The following ASB18 variants were observed in gnomAD, a reference collection of about 807,000 sequenced individuals.
ASB18 encodes the protein ankyrin repeat and SOCS box protein 18.
ASB18 carries 33 observed loss-of-function variants against 33.4 expected under a neutral mutation model. The ratio of observed to expected loss-of-function variants is 0.99; its 90% CI spans 0.75 to 1.32. The LOEUF is 1.32. ASB18 is among the 40% of genes most tolerant of loss of function. The pLI is 0.00. For synonymous variants in ASB18, 295 were observed against 307.6 expected (o/e 0.96, Z 0.43); for missense variants, 694 against 655.5 (o/e 1.06, Z -0.64).
At position 236,196,595 on chromosome 2, in the gene ASB18, C is replaced by G. The variant is rs1235483037; in HGVS notation, c.1102-210G>C. ...ACAAAGACACAAGGCAACGGCTCTG[C>G]AAGGGAGCCCTCCTTCCCATCATGA... On this transcript the variant is annotated intron_variant, in intron 4 of 5. Coordinates refer to ENST00000409749, the MANE Select transcript of ASB18 (RefSeq NM_212556.4). The surrounding 1 kb of genome is among the most constrained non-coding windows in gnomAD (Gnocchi z 5.6). Among the ~76,000 whole-genome samples the G allele has an allele frequency of 6.6e-6, 1 of 152,232 alleles. No homozygotes were observed. Among genetic ancestry groups the G allele is most frequent in the African/African-American group, 2.4e-5 (1 of 41,474 alleles).
intron 1 of ASB18, among the ~76,000 whole-genome samples, chr2:236,258,490 A>G (rs1351519571): frequency 6.6e-6 from 1 of 152,168 alleles, no homozygotes; most frequent in Non-Finnish European, 1.5e-5. Context: ...CACCATCATC[A>G]ATGGGTACGC....
At position 236,194,473 on chromosome 2, in the gene ASB18, C is replaced by A; in HGVS notation, c.*399G>T. 6.6e-6 allele frequency among the ~76,000 whole-genome samples: 1 copy of A among 152,136 alleles called. No homozygotes were observed. The highest frequency in any genetic ancestry group is 1.5e-5 in the Non-Finnish European group (1 of 68,030). On this transcript the variant is annotated 3_prime_UTR_variant, in exon 6 of 6. Coordinates refer to ENST00000409749, the MANE Select transcript of ASB18 (RefSeq NM_212556.4). The surrounding 1 kb of genome is among the most constrained non-coding windows in gnomAD (Gnocchi z 4.5). ...AGAAATATGCTGTAGGAACATCATT[C>A]TTGTTTATATCAATTAACCTTGGGA... is the stretch of plus-strand genomic sequence containing the variant.
Position 236,214,576 on chromosome 2 carries a change from G to T in ASB18, c.887C>A (p.Pro296Gln), listed in dbSNP as rs2060476385. 9.0e-6 allele frequency: 12 copies of T among 1,326,816 alleles called. No homozygotes were observed. Among genetic ancestry groups the T allele is most frequent in the Non-Finnish European group, 1.1e-5 (12 of 1,046,362 alleles). The allele number at this position is 1,326,816 out of a possible 1,614,324, so 82.2% of individuals were successfully genotyped here. A position where few individuals can be genotyped will look rare whatever the true frequency, so the allele number is the denominator to read the frequency against. Residue 296 changes from proline to glutamine, a missense_variant, in exon 4 of 6, where the codon CCG becomes CAG. Pro to Gln is a moderately conservative substitution (Grantham distance 76). Coordinates refer to ENST00000409749, the MANE Select transcript of ASB18 (RefSeq NM_212556.4). This position sits in a 1 kb window ranked among gnomAD's most constrained non-coding sequence, Gnocchi z 6.5. Reference protein sequence around the residue: ...ADARDEDERSPLHKACGHASH... With the variant: ...ADARDEDERSQLHKACGHASH... ...CGCGTGGCCGCAGGCTTTGTGCAGCGGGCTGCGCTCGTCCTCGTCGCGCGC... is the reference window on the plus strand; with the variant it reads ...CGCGTGGCCGCAGGCTTTGTGCAGCTGGCTGCGCTCGTCCTCGTCGCGCGC...
At position 236,228,989 on chromosome 2, in the gene ASB18, T is replaced by A. The variant is rs1377175654; in HGVS notation, c.596+8700A>T. Among the ~76,000 whole-genome samples, 1 of 152,156 alleles carries A rather than the reference T, an allele frequency of 6.6e-6. No homozygotes were observed. Among genetic ancestry groups the A allele is most frequent in the Non-Finnish European group, 1.5e-5 (1 of 68,024 alleles). ...TGGGAGCAGTGGCTTATGCCTGTAA[T>A]CCCAGCACTTTGGGAGGCTGAGGCA... On this transcript the variant is annotated intron_variant, in intron 3 of 5. Coordinates refer to ENST00000409749, the MANE Select transcript of ASB18 (RefSeq NM_212556.4). This position sits in a 1 kb window ranked among gnomAD's most constrained non-coding sequence, Gnocchi z 5.1.
In ASB18 at chr2:236,209,299, G is replaced by T. The variant is rs570078336; in HGVS notation, c.1101+5063C>A. On this transcript the variant is annotated intron_variant, in intron 4 of 5. Transcript: ENST00000409749. The surrounding 1 kb of genome is among the most constrained non-coding windows in gnomAD (Gnocchi z 4.4). ...TTTTTTTTTTTTTTTTTAAGACAAG[G>T]TCTTGCTCTGTCGTCCAGGCTGGAG... Among the ~76,000 whole-genome samples the T allele has an allele frequency of 1.3e-5, 2 of 148,794 alleles. No individual in the cohort carries two copies. The highest frequency in any genetic ancestry group is 3.9e-4 in the East Asian group (2 of 5,114).
chr2:236,223,249 A>G lies in ASB18; in HGVS notation c.597-8383T>C, dbSNP rs1211300837. 6.6e-6 allele frequency among the ~76,000 whole-genome samples: 1 copy of G among 152,210 alleles called. No homozygotes were observed. Among genetic ancestry groups the G allele is most frequent in the African/African-American group, 2.4e-5 (1 of 41,454 alleles). ...CTTTATAGCAGTGCAAGAATGGCCT[A>G]ATACACTTCACATGCCCACTAAGCA... On this transcript the variant is annotated intron_variant, in intron 3 of 5. Coordinates refer to ENST00000409749, the MANE Select transcript of ASB18 (RefSeq NM_212556.4). This position sits in a 1 kb window ranked among gnomAD's most constrained non-coding sequence, Gnocchi z 4.6.
rs988325091 is a variant in ASB18, at chr2:236,209,363, C to A, written c.1101+4999G>T. Among the ~76,000 whole-genome samples the A allele has an allele frequency of 1.3e-5, 2 of 151,808 alleles. No homozygotes were observed. Among genetic ancestry groups the A allele is most frequent in the Admixed American group, 1.3e-4 (2 of 15,248 alleles). On this transcript the variant is annotated intron_variant, in intron 4 of 5. Coordinates refer to ENST00000409749, the MANE Select transcript of ASB18 (RefSeq NM_212556.4). The surrounding 1 kb of genome is among the most constrained non-coding windows in gnomAD (Gnocchi z 4.4). Reference sequence around the variant, plus strand: ...TCATGGCTCACTGCAGCTTCCACCCCCTGGGTTTAGGTAATCCTCCTGTCT... The same window carrying A: ...TCATGGCTCACTGCAGCTTCCACCCACTGGGTTTAGGTAATCCTCCTGTCT...
intron 1 of ASB18, among the ~76,000 whole-genome samples, chr2:236,246,660 AC>A (rs1248131163): frequency 6.6e-6 from 1 of 152,200 alleles, no homozygotes; most frequent in Non-Finnish European, 1.5e-5. Context: ...ACCAATAGTA[AC>A]ACAGTGGAGA....
chr2:236,197,295 T>C (rs939592160), intron 4 of ASB18, among the ~76,000 whole-genome samples: 2 of 152,250 alleles, frequency 1.3e-5, no homozygotes, highest in Non-Finnish European at 2.9e-5. Context: ...AATGCCATTA[T>C]ATTAACAAAA....
chr2:236,262,070 G>A lies in ASB18; in HGVS notation c.205+2071C>T, dbSNP rs531185990. Among the ~76,000 whole-genome samples, 1 of 152,316 alleles carries A rather than the reference G, an allele frequency of 6.6e-6. No individual in the cohort carries two copies. The highest frequency in any genetic ancestry group is 2.1e-4 in the South Asian group (1 of 4,822). ...AGTATGTAATTTATAACTGTGGAAGGAATGTAACTTTCTTATAACAATTTT... is the reference window on the plus strand; with the variant it reads ...AGTATGTAATTTATAACTGTGGAAGAAATGTAACTTTCTTATAACAATTTT... On this transcript the variant is annotated intron_variant, in intron 1 of 5. Transcript: ENST00000409749. The surrounding 1 kb of genome is among the most constrained non-coding windows in gnomAD (Gnocchi z 5.2).
rs1353704520 is a variant in ASB18, at chr2:236,264,298, T to A, written c.48A>T (p.Leu16Phe). The change falls in exon 1 of 6, where the codon TTA (leucine) becomes TTT (phenylalanine). Residue 16 changes from leucine (L) to phenylalanine (F), a missense_variant. By Grantham distance (22) the Leu-to-Phe change is conservative (BLOSUM62 0). Coordinates refer to ENST00000409749, the MANE Select transcript of ASB18 (RefSeq NM_212556.4). The surrounding 1 kb of genome is among the most constrained non-coding windows in gnomAD (Gnocchi z 5.1). ...YLPDYPLNSD[L>F]VKRLKSALDA... ...CCAGGGCAGACTTTAATCTCTTCAC[T>A]AAATCTGAGTTGAGTGGGTAGTCGG... The A allele has an allele frequency of 6.2e-7, 1 of 1,613,908 alleles. No individual in the cohort carries two copies. Among genetic ancestry groups the A allele is most frequent in the African/African-American group, 1.3e-5 (1 of 74,936 alleles).
intron 1 of ASB18, among the ~76,000 whole-genome samples, chr2:236,254,672 T>C (rs1247540277): frequency 6.6e-6 from 1 of 152,106 alleles, no homozygotes; most frequent in Admixed American, 6.5e-5. Flanking sequence ...CAAATATTTT[T>C]CTATTGATGT....
chr2:236,241,280 C>T lies in ASB18; in HGVS notation c.328G>A (p.Gly110Ser). Residue 110 changes from glycine (G) to serine (S), a missense_variant and splice_region_variant, in exon 2 of 6, where the codon GGC becomes AGC. By Grantham distance (56) the Gly-to-Ser change is moderately conservative. Transcript: ENST00000409749. The surrounding 1 kb of genome is among the most constrained non-coding windows in gnomAD (Gnocchi z 4.2). Reference sequence around the variant, plus strand: ...ACTGAGCTTTAAAGAACAAGGGTACCTGATAGTCCAAACGTGGCTGGAGAT... The same window carrying T: ...ACTGAGCTTTAAAGAACAAGGGTACTTGATAGTCCAAACGTGGCTGGAGAT... ...VKSPATFGLS[G>S]LWTLEYKREL... The T allele has an allele frequency of 6.2e-7, 1 of 1,613,844 alleles. No homozygotes were observed. The highest frequency in any genetic ancestry group is 2.2e-5 in the East Asian group (1 of 44,878).
chr2:236,217,862 C>G lies in ASB18; in HGVS notation c.597-2996G>C, dbSNP rs750658182. Reference sequence around the variant, plus strand: ...GAGGATGCAAATTTTACAGTCAGAGCGCTTCACTTTGCTTCCTATTTGCTT... The same window carrying G: ...GAGGATGCAAATTTTACAGTCAGAGGGCTTCACTTTGCTTCCTATTTGCTT... On this transcript the variant is annotated intron_variant, in intron 3 of 5. Transcript: ENST00000409749. This position sits in a 1 kb window ranked among gnomAD's most constrained non-coding sequence, Gnocchi z 5.2. Among the ~76,000 whole-genome samples, 1 of 152,142 alleles carries G rather than the reference C, an allele frequency of 6.6e-6. No individual in the cohort carries two copies. Among genetic ancestry groups the G allele is most frequent in the Non-Finnish European group, 1.5e-5 (1 of 68,038 alleles).
At chr2:236,202,225 A>C (rs2060406513) in intron 4 of ASB18, among the ~76,000 whole-genome samples, 1 of 152,134 alleles carries the variant, frequency 6.6e-6, no homozygotes, top group East Asian at 1.9e-4. Flanking sequence ...CGCTGGGATT[A>C]CAGGTGTGCG....
At position 236,193,762 on chromosome 2, in the gene ASB18, AAAAC is replaced by A. The variant is rs551780974; in HGVS notation, c.*1106_*1109del. On this transcript the variant is annotated 3_prime_UTR_variant, in exon 6 of 6. Transcript: ENST00000409749. This position sits in a 1 kb window ranked among gnomAD's most constrained non-coding sequence, Gnocchi z 5.0. ...GGTGAGCCAAGATTGCGCCAGTCTC[AAAAC>A]AAACAAACAAACAAACAAAAAAACA... 1.2e-3 allele frequency among the ~76,000 whole-genome samples: 179 copies of A among 151,984 alleles called. 3 individuals are homozygous for A. The highest frequency in any genetic ancestry group is 0.01 in the South Asian group (49 of 4,800).
rs572851976 is a variant in ASB18, at chr2:236,246,179, C to T, written c.206-4777G>A. Among the ~76,000 whole-genome samples, 5 of 151,700 alleles carry T rather than the reference C, an allele frequency of 3.3e-5. No individual in the cohort carries two copies. In the East Asian group the frequency reaches 9.7e-4, roughly 29 times the overall value. On this transcript the variant is annotated intron_variant, in intron 1 of 5. Transcript: ENST00000409749. ...ACCAGCTTGGCCAACATGGTGAAAC[C>T]CCATCTCTACTAAAAATATAAAAAT...
chr2:236,214,273 G>A lies in ASB18; in HGVS notation c.1101+89C>T, dbSNP rs1352420747. 6.5e-6 allele frequency: 9 copies of A among 1,376,556 alleles called. No individual in the cohort carries two copies. Among genetic ancestry groups the A allele is most frequent in the Admixed American group, 4.5e-5 (2 of 44,236 alleles). The allele number at this position is 1,376,556 out of a possible 1,614,324, so 85.3% of individuals were successfully genotyped here. A position where few individuals can be genotyped will look rare whatever the true frequency, so the allele number is the denominator to read the frequency against. The stretch of plus-strand genomic sequence containing the variant: ...AGGGGTGCCTGGGCCATTACACTTT[G>A]AGAGCGCCGCATGCAACCCAGCTCC... On this transcript the variant is annotated intron_variant, in intron 4 of 5. Transcript: ENST00000409749. This position sits in a 1 kb window ranked among gnomAD's most constrained non-coding sequence, Gnocchi z 6.5.
rs181759472 is a variant in ASB18 at position 236,196,860 on chromosome 2, T to G, written c.1102-475A>C. Reference sequence around the variant, plus strand: ...ATTGTTTTGCTGTTGAATTTCCTCTTGACTTGGCATTTCCGTTTTATTTTC... The same window carrying G: ...ATTGTTTTGCTGTTGAATTTCCTCTGGACTTGGCATTTCCGTTTTATTTTC... On this transcript the variant is annotated intron_variant, in intron 4 of 5. Coordinates refer to ENST00000409749, the MANE Select transcript of ASB18 (RefSeq NM_212556.4). The surrounding 1 kb of genome is among the most constrained non-coding windows in gnomAD (Gnocchi z 5.6). Among the ~76,000 whole-genome samples the G allele has an allele frequency of 2.6e-3, 393 of 152,386 alleles. 3 individuals are homozygous for G. The highest frequency in any genetic ancestry group is 8.9e-3 in the African/African-American group (370 of 41,600).
Sources: gnomAD v4.1 joint callset for allele counts (sites outside exome capture counted in the v4.1 genomes callset) on GRCh38, gnomAD v4.1.1 for gene constraint, Gnocchi (gnomAD v3.1) non-coding constraint, MANE v1.5 for transcripts, NCBI Gene and HGNC (gene_info 2026-07-23, HGNC 2026-07-21) for gene names.